Variants in OR6K3 observed in about 807,000 individuals in gnomAD.
OR6K3 encodes olfactory receptor family 6 subfamily K member 3, also known as olfactory receptor 6K3.
For missense variants in OR6K3, 396 were observed against 382.5 expected (o/e 1.04, Z -0.29); for synonymous variants, 169 against 137.7 (o/e 1.23, Z -1.59).
upstream of OR6K3, among the ~76,000 whole-genome samples, chr1:158,722,367 G>A (rs771987742): frequency 2.0e-5 from 3 of 151,916 alleles, no homozygotes; most frequent in Non-Finnish European, 2.9e-5. Flanking sequence ...TGTTTTAGTA[G>A]CCTCAGTTTA....
At chr1:158,722,506 T>C (rs556161579), upstream of OR6K3, among the ~76,000 whole-genome samples, 1 of 152,142 alleles carries the variant, frequency 6.6e-6, no homozygotes, top group Admixed American at 6.6e-5. Context: ...CTCCATTCTC[T>C]CTATCCAGAT....
rs1271604678 is a variant in OR6K3 at position 158,717,375 on chromosome 1, G to T, written c.741C>A (p.Phe247Leu). 1 of 1,613,716 alleles carries T rather than the reference G, an allele frequency of 6.2e-7. No individual in the cohort carries two copies. Among genetic ancestry groups the T allele is most frequent in the Non-Finnish European group, 8.5e-7 (1 of 1,179,784 alleles). The change falls in exon 2 of 2, where the codon TTC becomes TTA. Residue 247 changes from phenylalanine to leucine, a missense_variant. By Grantham distance (22) the Phe-to-Leu change is conservative (BLOSUM62 0). Transcript: ENST00000368145. Reference protein sequence around the residue: ...FSTCAGHLMVFPIFFGSVSLM... With the variant: ...FSTCAGHLMVLPIFFGSVSLM... Reference sequence around the variant, plus strand: ...GTGATACACTGCCAAAGAATATCGGGAAGACCATGAGGTGGCCTGCACAGG... The same window carrying T: ...GTGATACACTGCCAAAGAATATCGGTAAGACCATGAGGTGGCCTGCACAGG...
chr1:158,717,025 G>A lies in OR6K3; in HGVS notation c.*143C>T. ...CGCGGCTACTAGGGAGGCTGAGGCAGGAGAATTGTTCAAAACCAGGAGGTG... is the reference window on the plus strand; with the variant it reads ...CGCGGCTACTAGGGAGGCTGAGGCAAGAGAATTGTTCAAAACCAGGAGGTG... On this transcript the variant is annotated 3_prime_UTR_variant, in exon 2 of 2. Transcript: ENST00000368145. 3.0e-6 allele frequency: 2 copies of A among 657,524 alleles called. No homozygotes were observed. The highest frequency in any genetic ancestry group is 2.6e-5 in the East Asian group (1 of 38,240). 40.7% of individuals were successfully genotyped at this position (657,524 alleles called of 1,614,324 possible). A position where few individuals can be genotyped will look rare whatever the true frequency, so the allele number is the denominator to read the frequency against.
chr1:158,717,921 T>C lies in OR6K3; in HGVS notation c.195A>G (p.Ile65Met). The change falls in exon 2 of 2, where the codon ATA (isoleucine) becomes ATG (methionine). Residue 65 changes from isoleucine to methionine, a missense_variant. Coordinates refer to ENST00000368145, the MANE Select transcript of OR6K3 (RefSeq NM_001005327.3). ...TGTACCAGATCTCCAGAAAGGAAAA[T>C]ATACTGATAAAATTATACATGGGGT... ...LHNPMYNFIS[I>M]FSFLEIWYTT... The C allele has an allele frequency of 1.2e-6, 2 of 1,613,648 alleles. No homozygotes were observed. Among genetic ancestry groups the C allele is most frequent in the Non-Finnish European group, 8.5e-7 (1 of 1,179,762 alleles).
chr1:158,722,997 A>T (rs982250743), upstream of OR6K3, among the ~76,000 whole-genome samples: 1 of 151,924 alleles, frequency 6.6e-6, no homozygotes, highest in Non-Finnish European at 1.5e-5. Flanking sequence ...TACACTTTTC[A>T]GTTCTTAGGT....
Position 158,717,053 on chromosome 1 carries a change from G to C in OR6K3, c.*115C>G, listed in dbSNP as rs538034978. On this transcript the variant is annotated 3_prime_UTR_variant, in exon 2 of 2. Coordinates refer to ENST00000368145, the MANE Select transcript of OR6K3 (RefSeq NM_001005327.3). ...GAATTGTTCAAAACCAGGAGGTGGA[G>C]GTTGCAGTGAGCCAAGATCATGCCA... 2 of 732,118 alleles carry C rather than the reference G, an allele frequency of 2.7e-6. No homozygotes were observed. Among genetic ancestry groups the C allele is most frequent in the South Asian group, 1.7e-5 (1 of 57,484 alleles). 45.4% of individuals were successfully genotyped at this position (732,118 alleles called of 1,614,324 possible).
At chr1:158,724,404 T>C (rs1656342526), upstream of OR6K3, 1 of 225,040 alleles carries the variant, frequency 4.4e-6, no homozygotes, top group Admixed American at 4.3e-5. Flanking sequence ...CAGTGATGAT[T>C]CTGATATAAG....
rs765511583 is a variant in OR6K3 at position 158,717,194 on chromosome 1, T to C, written c.922A>G (p.Lys308Glu). 8 of 1,612,464 alleles carry C rather than the reference T, an allele frequency of 5.0e-6. No homozygotes were observed. The highest frequency in any genetic ancestry group is 3.4e-6 in the Non-Finnish European group (4 of 1,178,972). ...TAACCTCCAGGCTTGTTCAACACTT[T>C]TTGAAGACAGAACAGTTTTTTAATC... ...NAIKKLFCLQ[K>E]VLNKPGG The change falls in exon 2 of 2, where the codon AAA becomes GAA. Residue 308 changes from lysine to glutamate, a missense_variant. By Grantham distance (56) the Lys-to-Glu change is moderately conservative (BLOSUM62 1). Transcript: ENST00000368145.
Position 158,717,220 on chromosome 1 carries a change from G to C in OR6K3, c.896C>G (p.Ala299Gly). 6.2e-7 allele frequency: 1 copy of C among 1,613,176 alleles called. No homozygotes were observed. The highest frequency in any genetic ancestry group is 8.5e-7 in the Non-Finnish European group (1 of 1,179,516). ...TTGAAGACAGAACAGTTTTTTAATC[G>C]CATTGTTCATGTCCTTGTTTCTCAG... Reference protein sequence around the residue: ...YSLRNKDMNNAIKKLFCLQKV... With the variant: ...YSLRNKDMNNGIKKLFCLQKV... The change falls in exon 2 of 2, where the codon GCG (alanine) becomes GGG (glycine). Residue 299 changes from alanine to glycine, a missense_variant. Physicochemically the swap from Ala to Gly is moderately conservative, Grantham distance 60. Coordinates refer to ENST00000368145, the MANE Select transcript of OR6K3 (RefSeq NM_001005327.3).
chr1:158,720,236 G>C (rs1656255561), intron 1 of OR6K3, among the ~76,000 whole-genome samples: 1 of 151,972 alleles, frequency 6.6e-6, no homozygotes, highest in African/African-American at 2.4e-5. Flanking sequence ...CTTCAGGACA[G>C]TGAATGTCTT....
upstream of OR6K3, among the ~76,000 whole-genome samples, chr1:158,723,564 C>T (rs1463700216): frequency 6.6e-6 from 1 of 152,036 alleles, no homozygotes; most frequent in African/African-American, 2.4e-5. Flanking sequence ...TGCACATTCT[C>T]TGCACTTGCA....
At chr1:158,722,984 C>A (rs560346023), upstream of OR6K3, among the ~76,000 whole-genome samples, 3 of 152,004 alleles carry the variant, frequency 2.0e-5, no homozygotes, top group Admixed American at 2.0e-4. Flanking sequence ...ATTACTATAT[C>A]TTTACACTTT....
chr1:158,716,963 C>T lies in OR6K3; in HGVS notation c.*205G>A. On this transcript the variant is annotated 3_prime_UTR_variant, in exon 2 of 2. Coordinates refer to ENST00000368145, the MANE Select transcript of OR6K3 (RefSeq NM_001005327.3). ...TGAAACCCCATCTCCACTAAAAATA[C>T]AAAAATTAGCTGGGTGTGGTGGTGC... The T allele has an allele frequency of 4.3e-6, 2 of 466,722 alleles. No individual in the cohort carries two copies. Among genetic ancestry groups the T allele is most frequent in the Non-Finnish European group, 3.9e-6 (1 of 257,290 alleles). 28.9% of individuals were successfully genotyped at this position (466,722 alleles called of 1,614,324 possible).
chr1:158,719,654 T>C (rs1003207063), intron 1 of OR6K3, among the ~76,000 whole-genome samples: 11 of 152,078 alleles, frequency 7.2e-5, no homozygotes, highest in Non-Finnish European at 1.6e-4. Context: ...AAAAAATTGC[T>C]AGCATTTAAA....
At position 158,717,756 on chromosome 1, in the gene OR6K3, A is replaced by G; in HGVS notation, c.360T>C (p.Ile120=). ...GGTTGCAGATGGCAACGTATCTGTC[A>G]ATGGCCATGGTGGTCAGCAAGATCC... is the stretch of plus-strand genomic sequence containing the variant. The part of the protein sequence containing the change: ...SEGILLTTMA[I]DRYVAICNPL... The change falls in exon 2 of 2, where the codon ATT becomes ATC. Residue 120 remains isoleucine (I), a synonymous_variant. Coordinates refer to ENST00000368145, the MANE Select transcript of OR6K3 (RefSeq NM_001005327.3). The G allele has an allele frequency of 6.2e-7, 1 of 1,613,758 alleles. No individual in the cohort carries two copies.
upstream of OR6K3, among the ~76,000 whole-genome samples, chr1:158,722,721 T>TG (rs1167477108): frequency 6.6e-6 from 1 of 152,054 alleles, no homozygotes; most frequent in Non-Finnish European, 1.5e-5. Flanking sequence ...AGGTCAATTG[T>TG]GGGAACTCTT....
chr1:158,724,505 G>C, upstream of OR6K3: 1 of 252,712 alleles, frequency 4.0e-6, no homozygotes, highest in Middle Eastern at 4.8e-4. Flanking sequence ...CAGGCCAAGC[G>C]CAGCACAGGT....
At position 158,716,845 on chromosome 1, in the gene OR6K3, C is replaced by T. The variant is rs868475050; in HGVS notation, c.*323G>A. Reference sequence around the variant, plus strand: ...TTAAAGCAATGGAAAGGGCCAGATGCGGTGGCTCACAGCTGTAATCCCAGC... The same window carrying T: ...TTAAAGCAATGGAAAGGGCCAGATGTGGTGGCTCACAGCTGTAATCCCAGC... On this transcript the variant is annotated 3_prime_UTR_variant, in exon 2 of 2. Transcript: ENST00000368145. The T allele has an allele frequency of 2.4e-4, 58 of 236,748 alleles. 1 individual carries two copies. The highest frequency in any genetic ancestry group is 9.2e-4 in the South Asian group (13 of 14,104). 14.7% of individuals were successfully genotyped at this position (236,748 alleles called of 1,614,324 possible).
At chr1:158,724,744 G>T (rs977167772), upstream of OR6K3, 4 of 222,990 alleles carry the variant, frequency 1.8e-5, no homozygotes, top group Middle Eastern at 1.1e-3. Context: ...ATTTCCCAGT[G>T]AATGGAAGAA....
Sources: gnomAD v4.1 joint callset for allele counts (sites outside exome capture counted in the v4.1 genomes callset) on GRCh38, gnomAD v4.1.1 for gene constraint, MANE v1.5 for transcripts, NCBI Gene and HGNC (gene_info 2026-07-23, HGNC 2026-07-21) for gene names.